Variants in RALGAPA1 observed in about 807,000 individuals in gnomAD.
The protein encoded by RALGAPA1 is ral GTPase-activating protein subunit alpha-1.
RALGAPA1 carries 52 observed loss-of-function variants against 269.6 expected under a neutral mutation model. The observed-to-expected ratio is 0.19, with a 90% CI of 0.15 to 0.24. The LOEUF is 0.24. Among genes scored for constraint, RALGAPA1 ranks in the 10% least tolerant of loss-of-function variants. The pLI is 1.00. For synonymous variants in RALGAPA1, 817 were observed against 1,008.3 expected (o/e 0.81, Z 3.60); for missense variants, 1,917 against 3,013.9 (o/e 0.64, Z 8.52).
At chr14:35,700,588 A>G (rs1292940993) in intron 16 of RALGAPA1, among the ~76,000 whole-genome samples, 1 of 152,218 alleles carries the variant, frequency 6.6e-6, no homozygotes. Context: ...CACTTTAATT[A>G]GCATTATGTT....
At position 35,688,490 on chromosome 14, in the gene RALGAPA1, A is replaced by G. The variant is rs1196489775; in HGVS notation, c.3921T>C (p.His1307=). ...PEAPLRDLYS[H]VMGYFGRKAA... ...CTTTCCTTCCAAAATAGCCCATTAC[A>G]TGACTGTACAGATCCCTCAGTGGAG... Residue 1307 remains histidine, a synonymous_variant, in exon 18 of 42, where the codon CAT becomes CAC. Coordinates refer to ENST00000680220, the MANE Select transcript of RALGAPA1 (RefSeq NM_001346249.2). The G allele has an allele frequency of 6.5e-7, 1 of 1,536,090 alleles. No individual in the cohort carries two copies. The highest frequency in any genetic ancestry group is 2.4e-5 in the East Asian group (1 of 40,918).
At chr14:35,759,716 C>T (rs953958404) in intron 6 of RALGAPA1, among the ~76,000 whole-genome samples, 1 of 151,786 alleles carries the variant, frequency 6.6e-6, no homozygotes, top group African/African-American at 2.4e-5. Flanking sequence ...TCGAGACCAG[C>T]TTGGCCAACA....
intron 4 of RALGAPA1, among the ~76,000 whole-genome samples, chr14:35,765,119 T>A (rs1247025136): frequency 6.6e-6 from 1 of 152,226 alleles, no homozygotes; most frequent in Non-Finnish European, 1.5e-5. Flanking sequence ...GCCATCTCAA[T>A]CATATTTCAA....
At chr14:35,731,639 A>C (rs1005350865) in intron 12 of RALGAPA1, among the ~76,000 whole-genome samples, 4 of 152,350 alleles carry the variant, frequency 2.6e-5, no homozygotes, top group South Asian at 4.1e-4. Context: ...AAAGAAATTC[A>C]GAGCTGGAAG....
chr14:35,778,934 T>C (rs1281751972), intron 1 of RALGAPA1, among the ~76,000 whole-genome samples: 2 of 152,174 alleles, frequency 1.3e-5, no homozygotes, highest in Admixed American at 1.3e-4. Context: ...CATTATTATC[T>C]CCATTTTACA....
At chr14:35,620,365 A>T (rs1209322296) in intron 35 of RALGAPA1, among the ~76,000 whole-genome samples, 2 of 152,190 alleles carry the variant, frequency 1.3e-5, no homozygotes, top group East Asian at 3.9e-4. Context: ...GTATCTCAAA[A>T]TAACTAGAGC....
At chr14:35,716,112 G>A (rs892616959) in intron 16 of RALGAPA1, 7 of 983,972 alleles carry the variant, frequency 7.1e-6, no homozygotes, top group Non-Finnish European at 8.4e-6. Context: ...ATTAAAAGAT[G>A]GTGAGGCATG....
chr14:35,793,837 T>C (rs2076367907), intron 1 of RALGAPA1, among the ~76,000 whole-genome samples: 1 of 152,206 alleles, frequency 6.6e-6, no homozygotes, highest in Non-Finnish European at 1.5e-5. Context: ...GCTTGTTTTA[T>C]CATTAATTGT....
intron 1 of RALGAPA1, among the ~76,000 whole-genome samples, chr14:35,801,001 C>G (rs557189417): frequency 6.6e-6 from 1 of 151,190 alleles, no homozygotes; most frequent in African/African-American, 2.4e-5. Flanking sequence ...GAAACTCTGT[C>G]TCCTGCGTCC....
intron 17 of RALGAPA1, among the ~76,000 whole-genome samples, chr14:35,698,594 AATGGAAGTGTTCAAAGCTC>A (rs2067087872): frequency 6.6e-6 from 1 of 152,136 alleles, no homozygotes; most frequent in South Asian, 2.1e-4. Context: ...ATAAAATAAT[AATGGAAGTGTTCAAAGCTC>A]ATTTTAATTT....
chr14:35,578,397 A>G (rs1449623406), intron 37 of RALGAPA1, among the ~76,000 whole-genome samples: 1 of 152,162 alleles, frequency 6.6e-6, no homozygotes, highest in Non-Finnish European at 1.5e-5. Context: ...TTACTGCCCC[A>G]AGTTCCCATT....
intron 41 of RALGAPA1, among the ~76,000 whole-genome samples, chr14:35,544,137 A>G (rs2054255522): frequency 6.6e-6 from 1 of 152,254 alleles, no homozygotes; most frequent in Non-Finnish European, 1.5e-5. Flanking sequence ...AACTGGCAGA[A>G]CTAGGATTTA....
intron 39 of RALGAPA1, among the ~76,000 whole-genome samples, chr14:35,570,052 CCGAG>C (rs2057050560): frequency 1.3e-5 from 2 of 150,904 alleles, no homozygotes; most frequent in South Asian, 4.2e-4. Context: ...GGCGGATCAC[CCGAG>C]GTCAGGAGTT....
chr14:35,566,564 A>T (rs901816549), intron 39 of RALGAPA1, among the ~76,000 whole-genome samples: 1 of 152,040 alleles, frequency 6.6e-6, no homozygotes, highest in Non-Finnish European at 1.5e-5. Flanking sequence ...TCCAAAGCCT[A>T]CCTGTATCTC....
intron 4 of RALGAPA1, chr14:35,766,814 T>C (rs1433053405): frequency 1.6e-5 from 8 of 487,584 alleles, no homozygotes; most frequent in South Asian, 3.2e-5. Context: ...GGCAGTACCA[T>C]ACCTGGAATT....
intron 39 of RALGAPA1, among the ~76,000 whole-genome samples, chr14:35,559,419 A>G (rs931430804): frequency 2.0e-5 from 3 of 152,172 alleles, no homozygotes; most frequent in East Asian, 1.9e-4. Flanking sequence ...TACATTATGT[A>G]GTAGGTGTGG....
intron 31 of RALGAPA1, among the ~76,000 whole-genome samples, chr14:35,648,371 C>A (rs2062593057): frequency 6.7e-6 from 1 of 148,904 alleles, no homozygotes; most frequent in Admixed American, 6.7e-5. Context: ...GAGGCTGAGG[C>A]AGGAGAATCA....
chr14:35,597,797 T>C (rs2059019016), intron 36 of RALGAPA1, among the ~76,000 whole-genome samples: 1 of 152,246 alleles, frequency 6.6e-6, no homozygotes, highest in Non-Finnish European at 1.5e-5. Context: ...TTAAAGGACA[T>C]AGGATGTAAC....
chr14:35,697,618 G>A (rs1021098973), intron 17 of RALGAPA1, among the ~76,000 whole-genome samples: 1 of 151,832 alleles, frequency 6.6e-6, no homozygotes, highest in Non-Finnish European at 1.5e-5. Flanking sequence ...AGTTGCTGGG[G>A]GTACAGGTGT....
Sources: allele counts gnomAD v4.1 joint callset (sites outside exome capture counted in the v4.1 genomes callset), GRCh38; gene constraint gnomAD v4.1.1; transcripts MANE v1.5; gene names NCBI Gene and HGNC (gene_info 2026-07-23, HGNC 2026-07-21).